The following HSH2D variants were observed in gnomAD, a reference collection of about 807,000 sequenced individuals.
The protein encoded by HSH2D is hematopoietic SH2 domain-containing protein.
HSH2D carries 16 observed loss-of-function variants against 21.5 expected under a neutral mutation model. The ratio of observed to expected loss-of-function variants is 0.74; its 90% CI spans 0.50 to 1.13. The LOEUF is 1.13. Among genes scored for constraint, HSH2D ranks in the 50% most tolerant of loss-of-function variants. HSH2D has a pLI of 0.00. For synonymous variants in HSH2D, 172 were observed against 184.7 expected (o/e 0.93, Z 0.56); for missense variants, 418 against 441.4 (o/e 0.95, Z 0.47).
chr19:16,157,177 G>A lies in HSH2D; in HGVS notation c.475-33G>A. On this transcript the variant is annotated intron_variant, in intron 5 of 5. Transcript: ENST00000613986. The surrounding 1 kb of genome is among the most constrained non-coding windows in gnomAD (Gnocchi z 4.4). ...ACAGACATGGTGCTCTGGTGGGCAA[G>A]CTGCCCCAGGCCTCCCCTACTCTCA... 2.0e-6 allele frequency: 3 copies of A among 1,497,920 alleles called. No individual in the cohort carries two copies. The highest frequency in any genetic ancestry group is 2.7e-6 in the Non-Finnish European group (3 of 1,118,270). The allele number at this position is 1,497,920 out of a possible 1,614,324, so 92.8% of individuals were successfully genotyped here. A position where few individuals can be genotyped will look rare whatever the true frequency, so the allele number is the denominator to read the frequency against.
upstream of HSH2D, among the ~76,000 whole-genome samples, chr19:16,142,331 G>A (rs1165368299): frequency 6.6e-6 from 1 of 152,178 alleles, no homozygotes. Context: ...ACCCTCAAAT[G>A]CCCCTTCCTT....
At chr19:16,134,959 T>C (rs1162234047) in intron 1 of HSH2D, among the ~76,000 whole-genome samples, 2 of 117,510 alleles carry the variant, frequency 1.7e-5, no homozygotes, top group East Asian at 4.7e-4. Flanking sequence ...ACCCCATCTC[T>C]AAAAAAAAAA....
intron 1 of HSH2D, among the ~76,000 whole-genome samples, chr19:16,145,694 GAC>G (rs2091058497): frequency 6.6e-6 from 1 of 152,170 alleles, no homozygotes; most frequent in African/African-American, 2.4e-5. Flanking sequence ...TCCTCATAGA[GAC>G]AGCCCAGTAA....
chr19:16,136,228 T>G (rs2090963186), intron 1 of HSH2D, among the ~76,000 whole-genome samples: 1 of 152,198 alleles, frequency 6.6e-6, no homozygotes, highest in Admixed American at 6.5e-5. Context: ...GCCTGATAAA[T>G]GGCCACTTTG....
At chr19:16,148,918 GT>G in intron 2 of HSH2D, 43 bp downstream of exon 2, 1 of 1,557,170 alleles carries the variant, frequency 6.4e-7, no homozygotes, top group Non-Finnish European at 8.7e-7. Context: ...TCCCCACCCT[GT>G]CCTTGTCTGT....
At chr19:16,155,259 A>G (rs2145060364) in intron 5 of HSH2D, among the ~76,000 whole-genome samples, 1 of 151,892 alleles carries the variant, frequency 6.6e-6, no homozygotes, top group East Asian at 1.9e-4. Context: ...GATGGACATC[A>G]GTGGAGGTGG....
rs1036941163 is a variant in HSH2D at position 16,158,089 on chromosome 19, G to C, written c.*295G>C. ...CCTCAGAGCAAGGCCCTCAGGGAGG[G>C]TCATCCTCCATGTTTTGAAGAAGAG... On this transcript the variant is annotated 3_prime_UTR_variant, in exon 6 of 6. Transcript: ENST00000613986. The C allele has an allele frequency of 1.5e-4, 47 of 311,372 alleles. No individual in the cohort carries two copies. In the East Asian group the frequency reaches 2.6e-3, roughly 17 times the overall value. The allele number at this position is 311,372 out of a possible 1,614,324, so 19.3% of individuals were successfully genotyped here.
chr19:16,156,347 C>CA (rs368133082), intron 5 of HSH2D, among the ~76,000 whole-genome samples: 2,564 of 135,622 alleles, frequency 0.019, 67 homozygotes, highest in African/African-American at 0.065. Context: ...AAGACCCTCT[C>CA]AAAAAAAAAA....
intron 4 of HSH2D, 150 bp downstream of exon 4, chr19:16,153,358 C>A: frequency 4.0e-6 from 3 of 743,392 alleles, no homozygotes; most frequent in Non-Finnish European, 6.2e-6. Flanking sequence ...AGTCCCTCTG[C>A]CCCCCACAGC....
chr19:16,152,220 A>C (rs988002472), intron 2 of HSH2D, among the ~76,000 whole-genome samples: 1 of 151,710 alleles, frequency 6.6e-6, no homozygotes, highest in Admixed American at 6.6e-5. Flanking sequence ...GATCGAGACC[A>C]TCCTGGCTAA....
intron 4 of HSH2D, 79 bp downstream of exon 4, chr19:16,153,287 C>CA (rs2091189411): frequency 1.5e-6 from 2 of 1,302,820 alleles, no homozygotes; most frequent in Admixed American, 2.9e-5. Context: ...CCCACGCCCC[C>CA]ATCAGCTCCT....
intron 1 of HSH2D, chr19:16,134,333 G>C (rs1443854467): frequency 6.6e-6 from 1 of 152,160 alleles, no homozygotes; most frequent in African/African-American, 2.4e-5. Context: ...CACTTATCAG[G>C]ATTCCAGACT....
intron 1 of HSH2D, 128 bp downstream of exon 1, chr19:16,143,902 T>G: frequency 3.8e-6 from 1 of 261,952 alleles, no homozygotes; most frequent in Non-Finnish European, 8.2e-6. Flanking sequence ...GGGGGAGAGC[T>G]TCGTGGAGGA....
At chr19:16,151,096 G>A (rs2091142447) in intron 2 of HSH2D, among the ~76,000 whole-genome samples, 1 of 152,092 alleles carries the variant, frequency 6.6e-6, no homozygotes, top group Non-Finnish European at 1.5e-5. Flanking sequence ...GGCCGAGGCG[G>A]GCGGATCACC....
At chr19:16,135,614 A>G (rs924322331) in intron 1 of HSH2D, among the ~76,000 whole-genome samples, 1 of 151,200 alleles carries the variant, frequency 6.6e-6, no homozygotes, top group Non-Finnish European at 1.5e-5. Context: ...TTCACTCCAC[A>G]CTCATCACTG....
chr19:16,141,313 G>T (rs2090998518), upstream of HSH2D, among the ~76,000 whole-genome samples: 1 of 152,220 alleles, frequency 6.6e-6, no homozygotes. Context: ...CCCAGGGTGA[G>T]CCTGGGGTTA....
chr19:16,144,398 T>C (rs2091035691), intron 1 of HSH2D, among the ~76,000 whole-genome samples: 2 of 151,706 alleles, frequency 1.3e-5, no homozygotes, highest in South Asian at 4.2e-4. Flanking sequence ...GGAGGGGACA[T>C]TTTTACTGGG....
At chr19:16,142,447 G>A (rs1439841146), upstream of HSH2D, among the ~76,000 whole-genome samples, 2 of 151,868 alleles carry the variant, frequency 1.3e-5, no homozygotes, top group African/African-American at 4.8e-5. Flanking sequence ...TTTTTGTTTT[G>A]TTTTGTTTGG....
chr19:16,153,305 C>A, intron 4 of HSH2D, 97 bp downstream of exon 4: 1 of 1,187,422 alleles, frequency 8.4e-7, no homozygotes, highest in Non-Finnish European at 1.1e-6. Flanking sequence ...CCTCTTGATT[C>A]TGTCACTCTC....
Sources: gnomAD v4.1 joint callset for allele counts (sites outside exome capture counted in the v4.1 genomes callset) on GRCh38, gnomAD v4.1.1 for gene constraint, Gnocchi (gnomAD v3.1) non-coding constraint, MANE v1.5 for transcripts, NCBI Gene and HGNC (gene_info 2026-07-23, HGNC 2026-07-21) for gene names.